ENTREP2: variants seen among roughly 807,000 people sequenced by gnomAD.
ENTREP2 encodes endosomal transmembrane epsin interactor 2.
At chr15:29,524,335 C>T in the ENTREP2 span, among the ~76,000 whole-genome samples, 1 of 152,156 alleles carries the variant, frequency 6.6e-6, no homozygotes, top group East Asian at 1.9e-4. Flanking sequence ...ACATCACAAT[C>T]ACAAGGATGG....
the ENTREP2 span, among the ~76,000 whole-genome samples, chr15:29,319,126 A>G: frequency 6.6e-6 from 1 of 152,234 alleles, no homozygotes; most frequent in Admixed American, 6.5e-5. Context: ...AGTGCCAGGG[A>G]GACCCTCACA....
At chr15:29,228,792 T>C in the ENTREP2 span, among the ~76,000 whole-genome samples, 4 of 152,178 alleles carry the variant, frequency 2.6e-5, no homozygotes, top group Non-Finnish European at 4.4e-5. Context: ...TACAAAAATA[T>C]TGTAAAATAT....
chr15:29,501,271 T>C, the ENTREP2 span, among the ~76,000 whole-genome samples: 1 of 122,918 alleles, frequency 8.1e-6, no homozygotes, highest in East Asian at 2.5e-4. Context: ...ATGCAAACAT[T>C]CTCAACAAAA....
At chr15:29,235,341 C>T in the ENTREP2 span, among the ~76,000 whole-genome samples, 1 of 152,016 alleles carries the variant, frequency 6.6e-6, no homozygotes, top group Non-Finnish European at 1.5e-5. Flanking sequence ...CCTTTTTTTG[C>T]TGTAAGATAT....
At chr15:29,588,544 AAGAG>A in the ENTREP2 span, among the ~76,000 whole-genome samples, 271 of 19,802 alleles carry the variant, frequency 0.014, 1 homozygote, top group African/African-American at 0.022. Flanking sequence ...AAGAGAAAGA[AAGAG>A]AGAGAGAGAG....
the ENTREP2 span, among the ~76,000 whole-genome samples, chr15:29,481,516 C>T: frequency 1.3e-5 from 2 of 152,128 alleles, no homozygotes; most frequent in Non-Finnish European, 2.9e-5. Flanking sequence ...ACAGACGTAC[C>T]CTCCACATCT....
chr15:29,445,972 C>T, the ENTREP2 span, among the ~76,000 whole-genome samples: 1 of 152,224 alleles, frequency 6.6e-6, no homozygotes, highest in African/African-American at 2.4e-5. Flanking sequence ...ATCCCACACA[C>T]ATCTGGGCGA....
the ENTREP2 span, among the ~76,000 whole-genome samples, chr15:29,637,439 G>A: frequency 6.6e-6 from 1 of 152,140 alleles, no homozygotes; most frequent in African/African-American, 2.4e-5. Context: ...AAACACATCA[G>A]GTCACCCACT....
chr15:29,351,554 T>C, the ENTREP2 span, among the ~76,000 whole-genome samples: 3 of 152,186 alleles, frequency 2.0e-5, no homozygotes, highest in African/African-American at 7.2e-5. Flanking sequence ...AACAATAAGA[T>C]GATTAACAAT....
At chr15:29,149,418 C>T in the ENTREP2 span, among the ~76,000 whole-genome samples, 19 of 152,242 alleles carry the variant, frequency 1.2e-4, no homozygotes, top group Admixed American at 1.2e-3. Flanking sequence ...CCTTGGAAAG[C>T]TCATGGCCCA....
the ENTREP2 span, among the ~76,000 whole-genome samples, chr15:29,171,708 G>A: frequency 1.3e-5 from 2 of 152,078 alleles, no homozygotes; most frequent in East Asian, 1.9e-4. Flanking sequence ...TCAGTCACTG[G>A]TTAATAACAA....
chr15:29,671,367 G>A, the ENTREP2 span, among the ~76,000 whole-genome samples: 1 of 152,226 alleles, frequency 6.6e-6, no homozygotes, highest in Non-Finnish European at 1.5e-5. Flanking sequence ...AGAACCTCCT[G>A]ACTTTGTAGC....
At chr15:29,407,342 C>T in the ENTREP2 span, among the ~76,000 whole-genome samples, 7 of 152,082 alleles carry the variant, frequency 4.6e-5, no homozygotes, top group African/African-American at 1.7e-4. Context: ...ATACACAGTC[C>T]GTCATTGAGG....
chr15:29,167,963 A>G, the ENTREP2 span, among the ~76,000 whole-genome samples: 1 of 152,196 alleles, frequency 6.6e-6, no homozygotes, highest in East Asian at 1.9e-4. Flanking sequence ...GAACGGTGGT[A>G]TATATATATG....
chr15:29,346,860 T>C, the ENTREP2 span, among the ~76,000 whole-genome samples: 1 of 152,162 alleles, frequency 6.6e-6, no homozygotes, highest in African/African-American at 2.4e-5. Flanking sequence ...AAAGCTAACC[T>C]CCAAAAGGCG....
chr15:29,515,102 A>G, the ENTREP2 span, among the ~76,000 whole-genome samples: 4 of 152,240 alleles, frequency 2.6e-5, no homozygotes, highest in African/African-American at 7.2e-5. Flanking sequence ...CAAGAATTCA[A>G]AATTAAGTGG....
chr15:29,261,883 G>C, the ENTREP2 span, among the ~76,000 whole-genome samples: 2 of 145,144 alleles, frequency 1.4e-5, no homozygotes, highest in Non-Finnish European at 3.0e-5. Flanking sequence ...AAATGAATTA[G>C]AAATGAAAAT....
At chr15:29,555,968 T>C in the ENTREP2 span, among the ~76,000 whole-genome samples, 1 of 152,206 alleles carries the variant, frequency 6.6e-6, no homozygotes, top group African/African-American at 2.4e-5. Context: ...AGAAGGGGAA[T>C]TCCTGGCCAG....
the ENTREP2 span, among the ~76,000 whole-genome samples, chr15:29,128,076 G>A: frequency 1.3e-5 from 2 of 152,186 alleles, no homozygotes; most frequent in African/African-American, 2.4e-5. Flanking sequence ...GGGACAGAGC[G>A]CCCTGGGGCG....
Sources: allele counts gnomAD v4.1 joint callset (sites outside exome capture counted in the v4.1 genomes callset), GRCh38; gene constraint gnomAD v4.1.1; transcripts MANE v1.5; gene names NCBI Gene and HGNC (gene_info 2026-07-23, HGNC 2026-07-21).